The following CASK variants were observed in gnomAD, a reference collection of about 807,000 sequenced individuals.
CASK encodes the protein calcium/calmodulin dependent serine protein kinase.
Under a neutral mutation model 82.9 loss-of-function variants are expected in CASK, and 4 were observed. That is an observed-to-expected ratio of 0.05 (90% CI 0.02 to 0.11). The LOEUF (loss-of-function observed/expected upper bound fraction) is 0.11. Ranked by LOEUF, CASK falls within the 10% of genes least tolerant of loss-of-function variation. The pLI, the probability that CASK is intolerant of heterozygous loss-of-function variation, is 1.00. For missense variants in CASK, 358 were observed against 720.9 expected (o/e 0.50, Z 5.76); for synonymous variants, 259 against 253.5 (o/e 1.02, Z -0.20).
chrX:41,667,122 CCTGAGAAGGTTCTCTCCAT>C (rs1423632266), intron 6 of CASK, among the ~76,000 whole-genome samples: 1 of 111,761 alleles, frequency 8.9e-6, no homozygotes, highest in African/African-American at 3.3e-5. Flanking sequence ...TCCCAGCCAT[CCTGAGAAGGTTCTCTCCAT>C]TTAGCTAGAC....
chrX:41,745,450 G>A, intron 4 of CASK, 74 bp downstream of exon 4: 1 of 670,376 alleles, frequency 1.5e-6, no homozygotes, highest in Admixed American at 2.5e-5. Context: ...TTATCAGTTT[G>A]TCATGTGATG....
intron 1 of CASK, among the ~76,000 whole-genome samples, chrX:41,910,337 T>C (rs1211861422): frequency 3.6e-5 from 4 of 111,890 alleles, no homozygotes; most frequent in Non-Finnish European, 5.6e-5. Context: ...GTAGATAATA[T>C]AGCCATTACT....
At chrX:41,673,012 C>T (rs1469470159) in intron 5 of CASK, among the ~76,000 whole-genome samples, 3 of 111,780 alleles carry the variant, frequency 2.7e-5, no homozygotes, top group African/African-American at 9.8e-5. Flanking sequence ...AGTGAGCAAG[C>T]CTAGAAAAGA....
chrX:41,681,585 T>C (rs1019850044), intron 5 of CASK, among the ~76,000 whole-genome samples: 2 of 111,549 alleles, frequency 1.8e-5, no homozygotes, highest in African/African-American at 6.5e-5. Context: ...ACAGTTCTCA[T>C]ATTATTTTCA....
chrX:41,874,949 G>A (rs1340844004), intron 1 of CASK, among the ~76,000 whole-genome samples: 3 of 112,495 alleles, frequency 2.7e-5, no homozygotes, highest in Non-Finnish European at 3.8e-5. Context: ...AGACAATCAC[G>A]AATGGTAACA....
At chrX:41,532,839 T>G (rs1022364796) in intron 24 of CASK, among the ~76,000 whole-genome samples, 1 of 111,432 alleles carries the variant, frequency 9.0e-6, no homozygotes, top group Non-Finnish European at 1.9e-5. Flanking sequence ...AGACAGGGTC[T>G]CACTCTGTTG....
chrX:41,760,724 G>A (rs1243937554), intron 3 of CASK, among the ~76,000 whole-genome samples: 1 of 110,739 alleles, frequency 9.0e-6, no homozygotes. Context: ...AAGTTCTCGA[G>A]TTTCTCTCTC....
chrX:41,722,786 C>T (rs185433778), intron 5 of CASK, among the ~76,000 whole-genome samples: 5 of 112,419 alleles, frequency 4.4e-5, no homozygotes, highest in Non-Finnish European at 9.4e-5. Context: ...AAAACAAGAG[C>T]GTTCTTTTTT....
intron 5 of CASK, among the ~76,000 whole-genome samples, chrX:41,678,762 A>C (rs1295470171): frequency 1.8e-5 from 2 of 111,588 alleles, no homozygotes; most frequent in Non-Finnish European, 3.8e-5. Context: ...AATTGAAAGA[A>C]TTATATTGTA....
intron 20 of CASK, among the ~76,000 whole-genome samples, chrX:41,554,278 G>A (rs1401420176): frequency 1.8e-5 from 2 of 111,635 alleles, no homozygotes; most frequent in African/African-American, 6.5e-5. Context: ...TTATGGATAC[G>A]TTGTCATGAC....
At chrX:41,660,870 A>G (rs1401334286) in intron 7 of CASK, among the ~76,000 whole-genome samples, 2 of 112,193 alleles carry the variant, frequency 1.8e-5, no homozygotes, top group Non-Finnish European at 3.8e-5. Context: ...TTAGCTAGGG[A>G]GACTAGAATA....
At chrX:41,618,566 G>C (rs1400513761) in intron 11 of CASK, among the ~76,000 whole-genome samples, 1 of 111,333 alleles carries the variant, frequency 9.0e-6, no homozygotes, top group Non-Finnish European at 1.9e-5. Context: ...GCCTCCCAAA[G>C]TGCTGGGATT....
At chrX:41,668,844 G>A (rs910380633) in intron 6 of CASK, among the ~76,000 whole-genome samples, 8 of 109,763 alleles carry the variant, frequency 7.3e-5, no homozygotes, top group African/African-American at 2.0e-4. Context: ...GGGTTCAAGC[G>A]ATCCTCCCAT....
intron 3 of CASK, among the ~76,000 whole-genome samples, chrX:41,761,258 GT>G (rs1261169103): frequency 2.7e-5 from 3 of 109,146 alleles, no homozygotes; most frequent in Non-Finnish European, 3.8e-5. Context: ...GGATTTTGGG[GT>G]TTTTTTTTGA....
At chrX:41,887,295 T>TA (rs1239516750) in intron 1 of CASK, among the ~76,000 whole-genome samples, 1 of 56,855 alleles carries the variant, frequency 1.8e-5, no homozygotes, top group Non-Finnish European at 3.3e-5. Context: ...GCTAGTTGAG[T>TA]CCACACACAC....
intron 8 of CASK, among the ~76,000 whole-genome samples, chrX:41,645,716 T>G (rs1288567997): frequency 9.0e-6 from 1 of 111,596 alleles, no homozygotes; most frequent in African/African-American, 3.3e-5. Context: ...CCATTTCTAT[T>G]AGCCTGAAAA....
chrX:41,869,838 C>CAAAAAAAAAAAAAAA, intron 1 of CASK, among the ~76,000 whole-genome samples: 1 of 44,188 alleles, frequency 2.3e-5, no homozygotes, highest in African/African-American at 8.3e-5. Context: ...AAAAAAAAAG[C>CAAAAAAAAAAAAAAA]CAAAATTTAA....
intron 3 of CASK, among the ~76,000 whole-genome samples, chrX:41,780,217 C>A (rs887092426): frequency 1.2e-4 from 13 of 111,923 alleles, no homozygotes; most frequent in African/African-American, 4.2e-4. Flanking sequence ...GTGGGGATAA[C>A]CCAACTCAGC....
intron 8 of CASK, among the ~76,000 whole-genome samples, chrX:41,640,958 G>C (rs1306611998): frequency 1.0e-5 from 1 of 97,480 alleles, no homozygotes; most frequent in Non-Finnish European, 2.1e-5. Context: ...TTAAAAAAAA[G>C]TCTGTTAAGG....
Sources: gnomAD v4.1 joint callset for allele counts (sites outside exome capture counted in the v4.1 genomes callset) on GRCh38, gnomAD v4.1.1 for gene constraint, MANE v1.5 for transcripts, NCBI Gene and HGNC (gene_info 2026-07-23, HGNC 2026-07-21) for gene names.